The following DAB2IP variants were observed in gnomAD, a reference collection of about 807,000 sequenced individuals.
The protein encoded by DAB2IP is DAB2 interacting protein.
DAB2IP carries 28 observed loss-of-function variants against 107.2 expected under a neutral mutation model. The observed-to-expected ratio is 0.26, with a 90% confidence interval of 0.19 to 0.36. The LOEUF is 0.36. Among genes scored for constraint, DAB2IP ranks in the 10% least tolerant of loss-of-function variants. DAB2IP has a pLI of 1.00. For missense variants in DAB2IP, 1,400 were observed against 1,644.7 expected, an observed-to-expected ratio of 0.85 and a Z score of 2.57; for synonymous variants, 755 against 706.4, an observed-to-expected ratio of 1.07 and a Z score of -1.09.
chr9:121,759,150 G>C (rs190086848), intron 5 of DAB2IP, among the ~76,000 whole-genome samples, 154 bp downstream of exon 5: 18 of 152,330 alleles, frequency 1.2e-4, no homozygotes, highest in Non-Finnish European at 2.2e-4. Context: ...GGTGGACTCT[G>C]AAAGAGACGT....
chr9:121,726,961 C>T (rs1283229167), intron 3 of DAB2IP, among the ~76,000 whole-genome samples: 2 of 152,140 alleles, frequency 1.3e-5, no homozygotes, highest in Admixed American at 6.5e-5. Context: ...AGTTCCCCAC[C>T]CTGGAATGCT....
At chr9:121,773,455 G>A (rs995429854) in exon 12 of DAB2IP, 2 of 1,536,754 alleles carry the variant, frequency 1.3e-6, no homozygotes, top group African/African-American at 2.8e-5. Flanking sequence ...TCCTCCAAGG[G>A]GGACAGCCCA....
intron 1 of DAB2IP, among the ~76,000 whole-genome samples, chr9:121,631,970 G>C (rs996809603): frequency 6.6e-6 from 1 of 152,154 alleles, no homozygotes; most frequent in Non-Finnish European, 1.5e-5. Flanking sequence ...TGGGCGGGAG[G>C]CTGGGTGGCC....
At chr9:121,567,568 C>T (rs1310953273) in intron 1 of DAB2IP, among the ~76,000 whole-genome samples, 1 of 152,222 alleles carries the variant, frequency 6.6e-6, no homozygotes, top group Non-Finnish European at 1.5e-5. Flanking sequence ...TTCGCCAGGC[C>T]TGCCCTGTGC....
intron 3 of DAB2IP, chr9:121,742,976 A>G: frequency 2.0e-6 from 2 of 985,428 alleles, no homozygotes; most frequent in Non-Finnish European, 2.4e-6. Context: ...GAGACACTGG[A>G]GGATGTGGAG....
At chr9:121,675,528 G>T (rs1384892271) in intron 1 of DAB2IP, among the ~76,000 whole-genome samples, 1 of 152,152 alleles carries the variant, frequency 6.6e-6, no homozygotes, top group Non-Finnish European at 1.5e-5. Context: ...TGAACCCGGG[G>T]GTCTGCCTCT....
At chr9:121,783,083 G>A in exon 16 of DAB2IP, 1 of 1,040,150 alleles carries the variant, frequency 9.6e-7, no homozygotes, top group Non-Finnish European at 1.2e-6. Flanking sequence ...ACTGCATGCA[G>A]CCTGTTGGGA....
At chr9:121,594,391 C>T (rs1830483885) in intron 1 of DAB2IP, among the ~76,000 whole-genome samples, 1 of 152,026 alleles carries the variant, frequency 6.6e-6, no homozygotes, top group Non-Finnish European at 1.5e-5. Flanking sequence ...GTGTGTGCCA[C>T]CATGCCCACC....
At chr9:121,591,550 CA>C (rs139926888) in intron 1 of DAB2IP, among the ~76,000 whole-genome samples, 2,832 of 152,178 alleles carry the variant, frequency 0.019, 91 homozygotes, top group African/African-American at 0.064. Context: ...ATGATGGCAA[CA>C]AGAAACCATT....
chr9:121,785,448 T>C (rs1298328294), exon 16 of DAB2IP: 1 of 152,676 alleles, frequency 6.5e-6, no homozygotes, highest in African/African-American at 2.4e-5. Context: ...GAGGAAGCTG[T>C]TGGTGTTCTA....
At chr9:121,639,347 G>A (rs1589437934) in intron 1 of DAB2IP, among the ~76,000 whole-genome samples, 2 of 152,322 alleles carry the variant, frequency 1.3e-5, no homozygotes, top group Non-Finnish European at 1.5e-5. Flanking sequence ...TGCAGCTCCC[G>A]AGGGTGGTCA....
chr9:121,576,789 G>A (rs1434705319), intron 1 of DAB2IP, among the ~76,000 whole-genome samples: 1 of 152,182 alleles, frequency 6.6e-6, no homozygotes, highest in Non-Finnish European at 1.5e-5. Flanking sequence ...TGGGCTTGCT[G>A]TGTCTGAAGG....
In DAB2IP at chr9:121,701,111, T is replaced by C. The variant is rs2118738938; in HGVS notation, c.362+1653T>C. ...CCCTCTGCACCCGCATGCGGGGGCT[T>C]GTGTACGTACCCCGTTTTGTGTGCA... On this transcript the variant is annotated intron_variant, in intron 3 of 15. Coordinates refer to ENST00000408936, the Ensembl canonical transcript of DAB2IP. This position sits in a 1 kb window ranked among gnomAD's most constrained non-coding sequence, Gnocchi z 4.7. 6.6e-6 allele frequency among the ~76,000 whole-genome samples: 1 copy of C among 152,280 alleles called. No individual in the cohort carries two copies. Among genetic ancestry groups the C allele is most frequent in the East Asian group, 1.9e-4 (1 of 5,174 alleles).
exon 12 of DAB2IP, chr9:121,773,099 G>T (rs371528560): frequency 1.8e-5 from 29 of 1,612,412 alleles, no homozygotes; most frequent in African/African-American, 4.0e-5. Flanking sequence ...ACAGCTCCCT[G>T]AGCTCACACA....
At chr9:121,738,636 A>G (rs1424537568) in intron 3 of DAB2IP, among the ~76,000 whole-genome samples, 1 of 152,062 alleles carries the variant, frequency 6.6e-6, no homozygotes, top group Non-Finnish European at 1.5e-5. Context: ...CCTCTGTCTG[A>G]CCCCAGAAGG....
rs1831972269 is a variant in DAB2IP at position 121,736,943 on chromosome 9, G to A, written c.363-20070G>A. Among the ~76,000 whole-genome samples, 1 of 152,224 alleles carries A rather than the reference G, an allele frequency of 6.6e-6. No individual in the cohort carries two copies. The highest frequency in any genetic ancestry group is 2.4e-5 in the African/African-American group (1 of 41,452). ...TTCTGTGGAGAAAATGAAGCAGGGT[G>A]ATAACTTGGGAGGTGGGAGTTGCCC... On this transcript the variant is annotated intron_variant, in intron 3 of 15. Coordinates refer to ENST00000408936, the Ensembl canonical transcript of DAB2IP. This position sits in a 1 kb window ranked among gnomAD's most constrained non-coding sequence, Gnocchi z 4.6.
chr9:121,773,266 C>T (rs1321250996), exon 12 of DAB2IP: 3 of 1,540,204 alleles, frequency 1.9e-6, no homozygotes, highest in South Asian at 1.2e-5. Context: ...AGTGCTGGCC[C>T]CCAGAGGAGG....
At chr9:121,657,897 C>A (rs571612508) in intron 1 of DAB2IP, among the ~76,000 whole-genome samples, 2 of 152,298 alleles carry the variant, frequency 1.3e-5, no homozygotes, top group East Asian at 3.9e-4. Context: ...AACTGTTTCC[C>A]TTGACAACTG....
intron 2 of DAB2IP, among the ~76,000 whole-genome samples, chr9:121,697,454 G>A (rs1829483853): frequency 6.6e-6 from 1 of 152,204 alleles, no homozygotes; most frequent in Non-Finnish European, 1.5e-5. Context: ...AAGAGGCAGA[G>A]TTTGGGAGAG....
Sources: allele counts gnomAD v4.1 joint callset (sites outside exome capture counted in the v4.1 genomes callset), GRCh38; gene constraint gnomAD v4.1.1; non-coding constraint Gnocchi (gnomAD v3.1); transcripts MANE v1.5; gene names NCBI Gene and HGNC (gene_info 2026-07-23, HGNC 2026-07-21).